PDCD6: variants seen among roughly 807,000 people sequenced by gnomAD.
PDCD6 encodes programmed cell death protein 6.
A neutral mutation model predicts 28.3 loss-of-function variants in PDCD6; 12 were observed. The observed-to-expected ratio is 0.42, with a 90% CI of 0.27 to 0.69. The LOEUF (loss-of-function observed/expected upper bound fraction) is 0.69. Ranked by LOEUF, PDCD6 falls within the 30% of genes least tolerant of loss-of-function variation. The pLI is 0.22. For missense variants in PDCD6, 226 were observed against 269.9 expected, an observed-to-expected ratio of 0.84 and a Z score of 1.14; for synonymous variants, 92 against 108.0, an observed-to-expected ratio of 0.85 and a Z score of 0.92.
chr5:311,001 G>C, intron 4 of PDCD6: 1 of 354,918 alleles, frequency 2.8e-6, no homozygotes, highest in Non-Finnish European at 5.2e-6. Flanking sequence ...CTTCCCGGAG[G>C]TGAGTAGTTA....
intron 4 of PDCD6, chr5:310,157 C>T (rs1182544354): frequency 6.2e-6 from 1 of 161,260 alleles, no homozygotes; most frequent in Non-Finnish European, 1.3e-5. Context: ...GTAGTAGGGA[C>T]CAGAAAAAGT....
At chr5:290,677 T>C (rs2061677420) in intron 2 of PDCD6, among the ~76,000 whole-genome samples, 1 of 152,252 alleles carries the variant, frequency 6.6e-6, no homozygotes. Flanking sequence ...CTGATACTGC[T>C]ATTCTGTGAG....
chr5:302,111 T>TGTGTG (rs1561046622), intron 2 of PDCD6, among the ~76,000 whole-genome samples: 53 of 115,524 alleles, frequency 4.6e-4, no homozygotes, highest in Non-Finnish European at 6.0e-4. Flanking sequence ...TGTGTGTGCC[T>TGTGTG]TGGGTTCAGG....
chr5:292,049 C>T (rs1314137183), intron 2 of PDCD6, among the ~76,000 whole-genome samples: 1 of 152,202 alleles, frequency 6.6e-6, no homozygotes, highest in Non-Finnish European at 1.5e-5. Context: ...TCTCTCCATT[C>T]TCCCCAACAC....
At chr5:306,450 C>T in intron 3 of PDCD6, 152 bp from the exon 4 acceptor site, 1 of 677,438 alleles carries the variant, frequency 1.5e-6, no homozygotes, top group Non-Finnish European at 2.6e-6. Context: ...GGGATTTCAC[C>T]CCATTCACAG....
intron 2 of PDCD6, among the ~76,000 whole-genome samples, chr5:294,405 G>T (rs1197892123): frequency 2.0e-5 from 3 of 149,958 alleles, no homozygotes; most frequent in African/African-American, 7.5e-5. Context: ...TGGAACAGAG[G>T]CCTCATCAAA....
chr5:311,303 C>G lies in PDCD6; in HGVS notation c.378C>G (p.Leu126=). 2 of 1,614,002 alleles carry G rather than the reference C, an allele frequency of 1.2e-6. No individual in the cohort carries two copies. Among genetic ancestry groups the G allele is most frequent in the Non-Finnish European group, 1.7e-6 (2 of 1,179,896 alleles). The change falls in exon 5 of 6, where the codon CTC becomes CTG. Residue 126 remains leucine (L), a synonymous_variant. Transcript: ENST00000264933. Reference sequence around the variant, plus strand: ...CTTTCCCTCTTGAAGGCTACCGGCTCTCTGACCAGTTCCACGACATCCTCA... The same window carrying G: ...CTTTCCCTCTTGAAGGCTACCGGCTGTCTGACCAGTTCCACGACATCCTCA... ...KQALSGFGYR[L]SDQFHDILIR... is the part of the protein sequence containing the mutation.
At chr5:288,998 T>G (rs1201614136) in intron 2 of PDCD6, 1 of 1,249,824 alleles carries the variant, frequency 8.0e-7, no homozygotes, top group Non-Finnish European at 1.2e-6. Flanking sequence ...TTTCATTACC[T>G]TCGGAATGTA....
At chr5:276,692 G>C in intron 2 of PDCD6, 1 of 980,668 alleles carries the variant, frequency 1.0e-6, no homozygotes, top group Non-Finnish European at 1.2e-6. Context: ...ATATATTACT[G>C]GTAGAAAAAC....
In PDCD6 at chr5:306,695, C is replaced by A; in HGVS notation, c.302C>A (p.Thr101Lys). The A allele has an allele frequency of 6.2e-7, 1 of 1,614,062 alleles. No homozygotes were observed. Among genetic ancestry groups the A allele is most frequent in the Non-Finnish European group, 8.5e-7 (1 of 1,180,010 alleles). The change falls in exon 4 of 6, where the codon ACG becomes AAG. Residue 101 changes from threonine (T) to lysine (K), a missense_variant. Thr to Lys is a moderately conservative substitution (Grantham distance 78). Transcript: ENST00000264933. Reference protein sequence around the residue: ...YITDWQNVFRTYDRDNSGMID... With the variant: ...YITDWQNVFRKYDRDNSGMID... ...ACGGACTGGCAGAACGTCTTCCGCA[C>A]GTACGACCGGGACAACTCCGGGATG...
chr5:274,925 T>C (rs569297706), intron 2 of PDCD6, among the ~76,000 whole-genome samples: 138 of 152,260 alleles, frequency 9.1e-4, no homozygotes, highest in South Asian at 7.5e-3. Context: ...AATTGCCTGA[T>C]GGGTGCTGAG....
chr5:296,875 G>A (rs1464364099), intron 2 of PDCD6, among the ~76,000 whole-genome samples: 1 of 151,928 alleles, frequency 6.6e-6, no homozygotes, highest in Non-Finnish European at 1.5e-5. Flanking sequence ...AAGGGTCACC[G>A]GGATTCGTCT....
intron 3 of PDCD6, chr5:304,719 A>G (rs1740354921): frequency 6.4e-6 from 1 of 155,126 alleles, no homozygotes; most frequent in South Asian, 2.0e-4. Flanking sequence ...TTCCTGCTCA[A>G]GCCCACACAG....
At chr5:311,257 C>A in intron 4 of PDCD6, 36 bp from the exon 5 acceptor site, 1 of 1,535,400 alleles carries the variant, frequency 6.5e-7, no homozygotes, top group South Asian at 1.1e-5. Flanking sequence ...TCCCGTCTCT[C>A]CCAGCCTTCT....
At chr5:304,786 T>C (rs1267827415) in intron 3 of PDCD6, 4 of 152,466 alleles carry the variant, frequency 2.6e-5, no homozygotes, top group Admixed American at 1.3e-4. Flanking sequence ...GGTTCATGTG[T>C]AGCCTTAATG....
intron 2 of PDCD6, among the ~76,000 whole-genome samples, chr5:278,839 C>T (rs1371273394): frequency 2.6e-5 from 2 of 76,310 alleles, no homozygotes; most frequent in African/African-American, 1.0e-4. Flanking sequence ...CAGGAGGGTG[C>T]TGGGGATGCG....
chr5:297,125 G>A (rs541762416), intron 2 of PDCD6, among the ~76,000 whole-genome samples: 145 of 152,162 alleles, frequency 9.5e-4, no homozygotes, highest in African/African-American at 3.3e-3. Context: ...AATGAATCCC[G>A]ATCCTGTTAT....
chr5:314,686 T>G lies in PDCD6; in HGVS notation c.*171T>G, dbSNP rs553399647. On this transcript the variant is annotated 3_prime_UTR_variant, in exon 6 of 6. Coordinates refer to ENST00000264933, the MANE Select transcript of PDCD6 (RefSeq NM_013232.4). The stretch of plus-strand genomic sequence containing the variant: ...ATAAGCTGATTAATGGTTTTGCAAC[T>G]GTAATAGTAGCTGTATCGTTCTAAT... 1.4e-6 allele frequency: 1 copy of G among 693,772 alleles called. No homozygotes were observed. Among genetic ancestry groups the G allele is most frequent in the African/African-American group, 1.7e-5 (1 of 57,164 alleles). 43.0% of individuals were successfully genotyped at this position (693,772 alleles called of 1,614,324 possible). A position where few individuals can be genotyped will look rare whatever the true frequency, so the allele number is the denominator to read the frequency against.
intron 2 of PDCD6, among the ~76,000 whole-genome samples, chr5:300,143 A>T (rs1281463882): frequency 6.6e-6 from 1 of 152,086 alleles, no homozygotes; most frequent in Non-Finnish European, 1.5e-5. Context: ...GGCTCCTGGG[A>T]GCTGAGCTCC....
Sources: gnomAD v4.1 joint callset for allele counts (sites outside exome capture counted in the v4.1 genomes callset) on GRCh38, gnomAD v4.1.1 for gene constraint, MANE v1.5 for transcripts, NCBI Gene and HGNC (gene_info 2026-07-23, HGNC 2026-07-21) for gene names.